CARF: variants seen among roughly 807,000 people sequenced by gnomAD.
CARF encodes calcium-responsive transcription factor.
In CARF, 57 loss-of-function variants were observed where a neutral mutation model predicts 82.0. The ratio of observed to expected loss-of-function variants is 0.70; its 90% CI spans 0.56 to 0.87. CARF has a LOEUF of 0.87. CARF is among the 40% of genes least tolerant of loss of function. The probability of loss-of-function intolerance (pLI) is 0.00; values close to 1 mark genes in which losing one functional copy is unlikely to be tolerated. For synonymous variants in CARF, 268 were observed against 290.1 expected, an observed-to-expected ratio of 0.92 and a Z score of 0.77; for missense variants, 771 against 855.8, an observed-to-expected ratio of 0.90 and a Z score of 1.24.
chr2:202,952,109 G>A (rs1052786019), intron 5 of CARF, among the ~76,000 whole-genome samples: 1 of 152,158 alleles, frequency 6.6e-6, no homozygotes, highest in African/African-American at 2.4e-5. Flanking sequence ...AGGATTACAG[G>A]TATGAGCCAC....
intron 5 of CARF, among the ~76,000 whole-genome samples, chr2:202,947,407 A>G (rs188591430): frequency 4.9e-4 from 75 of 152,298 alleles, no homozygotes; most frequent in Non-Finnish European, 9.8e-4. Flanking sequence ...GTTCTCACTC[A>G]TAAATGGGAT....
At chr2:202,933,648 A>G (rs1371271711) in intron 3 of CARF, among the ~76,000 whole-genome samples, 1 of 152,042 alleles carries the variant, frequency 6.6e-6, no homozygotes, top group Non-Finnish European at 1.5e-5. Context: ...GTGCTCGTCA[A>G]TGCTCTCCCT....
chr2:202,955,666 T>C lies in CARF; in HGVS notation c.558-8T>C, dbSNP rs767979459. 7.5e-6 allele frequency: 12 copies of C among 1,599,130 alleles called. No individual in the cohort carries two copies. The highest frequency in any genetic ancestry group is 1.0e-5 in the Non-Finnish European group (12 of 1,171,842). ...TGCATATTTATATATATTCCTCTCC[T>C]ATCCCAGAATGCTGGAAGAACCCCT... On this transcript the variant is annotated splice_polypyrimidine_tract_variant and splice_region_variant and intron_variant, in intron 7 of 16. Transcript: ENST00000438828.
chr2:202,952,410 T>C, intron 5 of CARF, 149 bp from the exon 6 acceptor site: 2 of 732,546 alleles, frequency 2.7e-6, no homozygotes, highest in South Asian at 2.9e-5. Flanking sequence ...AAAATGTTTA[T>C]GTGCCTCAAT....
chr2:202,952,708 G>A (rs756342069), intron 6 of CARF, 29 bp downstream of exon 6: 2 of 1,579,304 alleles, frequency 1.3e-6, no homozygotes, highest in Non-Finnish European at 1.7e-6. Context: ...TAGGGGATTT[G>A]AGAGTGTTTT....
chr2:202,944,218 A>G (rs2058380390), intron 5 of CARF, among the ~76,000 whole-genome samples: 1 of 152,190 alleles, frequency 6.6e-6, no homozygotes, highest in Non-Finnish European at 1.5e-5. Flanking sequence ...CAAAGAGGTG[A>G]AAGATTGTTT....
chr2:202,942,563 A>T, intron 4 of CARF, 177 bp from the exon 5 acceptor site: 1 of 723,282 alleles, frequency 1.4e-6, no homozygotes, highest in Non-Finnish European at 1.7e-6. Context: ...GATAGTAAGT[A>T]TAATAATCAA....
chr2:202,961,312 C>A lies in CARF; in HGVS notation c.718C>A (p.Gln240Lys), dbSNP rs2059310751. The change falls in exon 9 of 17, where the codon CAA becomes AAA. Residue 240 changes from glutamine to lysine, a missense_variant. Transcript: ENST00000438828. ...AAGTGTCCTAACATTTCACAAGCAG[C>A]AAACACAGAGTGTTTGGGGGACCCG... ...LESVLTFHKQ[Q>K]TQSVWGTRQS... is the part of the protein sequence containing the mutation. The A allele has an allele frequency of 1.2e-6, 2 of 1,614,154 alleles. No homozygotes were observed. The highest frequency in any genetic ancestry group is 1.7e-6 in the Non-Finnish European group (2 of 1,180,000).
intron 5 of CARF, among the ~76,000 whole-genome samples, chr2:202,944,790 G>A (rs2058410770): frequency 1.3e-5 from 1 of 76,288 alleles, no homozygotes; most frequent in South Asian, 6.7e-4. Flanking sequence ...TAGAAAGTTT[G>A]TGTTTTTTTT....
chr2:202,916,386 T>C (rs1204306696), intron 1 of CARF, among the ~76,000 whole-genome samples: 1 of 152,088 alleles, frequency 6.6e-6, no homozygotes, highest in Non-Finnish European at 1.5e-5. Flanking sequence ...TTTCACCACG[T>C]TGGCCAGGAT....
At chr2:202,970,169 G>T (rs779720782) in intron 11 of CARF, 107 bp downstream of exon 11, 265 of 1,027,386 alleles carry the variant, frequency 2.6e-4, no homozygotes, top group Non-Finnish European at 3.4e-4. Context: ...TTAAGTAACG[G>T]TTTTATAAGG....
chr2:202,960,720 GCCTTCCCA>G (rs927955129), intron 8 of CARF, among the ~76,000 whole-genome samples: 8 of 131,166 alleles, frequency 6.1e-5, no homozygotes, highest in East Asian at 6.0e-4. Context: ...CCGCCTTCCC[GCCTTCCCA>G]CCTTCCCGCC....
intron 11 of CARF, 48 bp from the exon 12 acceptor site, chr2:202,971,457 A>C (rs1574760575): frequency 1.8e-6 from 2 of 1,135,886 alleles, no homozygotes; most frequent in African/African-American, 1.6e-5. Context: ...AATATTAAAT[A>C]ATTTTAATGT....
At chr2:202,930,148 A>G (rs1692623690) in intron 3 of CARF, among the ~76,000 whole-genome samples, 1 of 152,106 alleles carries the variant, frequency 6.6e-6, no homozygotes, top group Non-Finnish European at 1.5e-5. Context: ...CCTGGGCTCA[A>G]GCGATTCTCA....
chr2:202,963,379 T>C (rs2059405725), intron 9 of CARF, among the ~76,000 whole-genome samples: 1 of 152,182 alleles, frequency 6.6e-6, no homozygotes, highest in Non-Finnish European at 1.5e-5. Flanking sequence ...CTTTGAATTT[T>C]TTTGGACCAG....
chr2:202,930,590 T>C (rs771729198), intron 3 of CARF, among the ~76,000 whole-genome samples: 4 of 152,162 alleles, frequency 2.6e-5, no homozygotes, highest in Non-Finnish European at 5.9e-5. Flanking sequence ...TGTATCTCTT[T>C]GTTGAATTTC....
chr2:202,938,747 T>G (rs1323572760), intron 3 of CARF, among the ~76,000 whole-genome samples: 1 of 152,008 alleles, frequency 6.6e-6, no homozygotes, highest in Non-Finnish European at 1.5e-5. Context: ...ATAGTTACTT[T>G]TCTTTTTTTT....
intron 11 of CARF, 80 bp downstream of exon 11, chr2:202,970,142 G>C: frequency 7.9e-7 from 1 of 1,271,970 alleles, no homozygotes; most frequent in South Asian, 1.5e-5. Context: ...GGAAATTATA[G>C]TTTTCCAACT....
At chr2:202,917,083 C>T (rs1292220202) in intron 1 of CARF, among the ~76,000 whole-genome samples, 3 of 150,438 alleles carry the variant, frequency 2.0e-5, no homozygotes, top group Admixed American at 6.6e-5. Context: ...TAGTGGCGGG[C>T]GCCTGTAGTC....
Sources: gnomAD v4.1 joint callset for allele counts (sites outside exome capture counted in the v4.1 genomes callset) on GRCh38, gnomAD v4.1.1 for gene constraint, MANE v1.5 for transcripts, NCBI Gene and HGNC (gene_info 2026-07-23, HGNC 2026-07-21) for gene names.